The following ROBO2 variants were observed in gnomAD, a reference collection of about 807,000 sequenced individuals.
ROBO2 encodes roundabout guidance receptor 2, also known as roundabout homolog 2.
ROBO2 carries 53 observed loss-of-function variants against 160.8 expected under a neutral mutation model. The ratio of observed to expected loss-of-function variants is 0.33; its 90% confidence interval spans 0.26 to 0.41. The LOEUF (loss-of-function observed/expected upper bound fraction) is 0.41. Ranked by LOEUF, ROBO2 falls within the 10% of genes least tolerant of loss-of-function variation. The pLI is 1.00. For synonymous variants in ROBO2, 664 were observed against 611.7 expected, an observed-to-expected ratio of 1.09 and a Z score of -1.26; for missense variants, 1,577 against 1,722.4, an observed-to-expected ratio of 0.92 and a Z score of 1.49.
intron 2 of ROBO2, among the ~76,000 whole-genome samples, chr3:76,644,906 C>T (rs1370978802): frequency 6.6e-6 from 1 of 152,188 alleles, no homozygotes; most frequent in African/African-American, 2.4e-5. Flanking sequence ...ATCATTATGA[C>T]AACCCTATGA....
At chr3:77,324,887 A>C (rs1046253055) in intron 2 of ROBO2, among the ~76,000 whole-genome samples, 1 of 152,160 alleles carries the variant, frequency 6.6e-6, no homozygotes, top group Non-Finnish European at 1.5e-5. Context: ...AAACAGAAAT[A>C]GAAAAACTCT....
At chr3:76,760,262 A>C (rs1235884592) in intron 2 of ROBO2, among the ~76,000 whole-genome samples, 2 of 151,790 alleles carry the variant, frequency 1.3e-5, no homozygotes, top group Non-Finnish European at 2.9e-5. Flanking sequence ...AGAATACTTA[A>C]AATAGACTCT....
chr3:76,739,504 T>G (rs2093768055), intron 2 of ROBO2, among the ~76,000 whole-genome samples: 1 of 141,424 alleles, frequency 7.1e-6, no homozygotes, highest in African/African-American at 2.5e-5. Flanking sequence ...GGGGGAGGGA[T>G]AGCATTAGGA....
intron 2 of ROBO2, among the ~76,000 whole-genome samples, chr3:76,496,299 A>T (rs1478906943): frequency 6.6e-6 from 1 of 152,224 alleles, no homozygotes; most frequent in Non-Finnish European, 1.5e-5. Flanking sequence ...GAATAGATGG[A>T]TTAAGAAAAG....
chr3:76,365,799 A>T (rs911631964), intron 2 of ROBO2, among the ~76,000 whole-genome samples: 2 of 151,596 alleles, frequency 1.3e-5, no homozygotes, highest in Non-Finnish European at 2.9e-5. Context: ...AGAAATTGGA[A>T]TTTACTTTTC....
At chr3:77,069,082 G>T (rs1321066297) in intron 1 of ROBO2, among the ~76,000 whole-genome samples, 1 of 152,110 alleles carries the variant, frequency 6.6e-6, no homozygotes, top group African/African-American at 2.4e-5. Context: ...TGTGGCAGAC[G>T]CTGTGTGGCT....
intron 2 of ROBO2, among the ~76,000 whole-genome samples, chr3:77,162,561 A>C (rs567426503): frequency 6.6e-6 from 1 of 152,154 alleles, no homozygotes; most frequent in African/African-American, 2.4e-5. Flanking sequence ...TGAGTTCTGG[A>C]AACTTACATA....
At chr3:77,040,838 G>A (rs376257599) in exon 1 of ROBO2, 2 of 1,613,960 alleles carry the variant, frequency 1.2e-6, no homozygotes, top group Non-Finnish European at 1.7e-6. Context: ...TTATATGTTC[G>A]GGTTGATGGT....
intron 2 of ROBO2, among the ~76,000 whole-genome samples, chr3:76,219,169 G>A (rs998646731): frequency 2.0e-5 from 3 of 152,124 alleles, no homozygotes; most frequent in East Asian, 1.9e-4. Context: ...AATTCAAGAT[G>A]GATTAAAGAC....
rs57835432 is a variant in ROBO2 at position 76,493,337 on chromosome 3, TTATATATATATATA to T, written c.109+555750_109+555763del. Among the ~76,000 whole-genome samples, 5 of 104,816 alleles carry T rather than the reference TTATATATATATATA, an allele frequency of 4.8e-5. No individual in the cohort carries two copies. The South Asian group carries it at 1.2e-3, about 26-fold the overall frequency. The allele number at this position is 104,816 out of a possible 152,430, so 68.8% of individuals were successfully genotyped here. A position where few individuals can be genotyped will look rare whatever the true frequency, so the allele number is the denominator to read the frequency against. ...GAACCCAAAACATGTAGACAAAAAA[TTATATATATATATA>T]TATATATATATATAATTGTATATAC... On this transcript the variant is annotated intron_variant, in intron 2 of 26. Coordinates refer to the ROBO2 transcript ENST00000487694.
intron 6 of ROBO2, among the ~76,000 whole-genome samples, chr3:77,544,224 C>T (rs1396450426): frequency 6.6e-6 from 1 of 151,664 alleles, no homozygotes; most frequent in Non-Finnish European, 1.5e-5. Flanking sequence ...TTGATTTACA[C>T]CATCATTTCT....
chr3:77,629,424 C>T (rs947953709), intron 23 of ROBO2: 1 of 151,832 alleles, frequency 6.6e-6, no homozygotes, highest in Middle Eastern at 3.2e-3. Context: ...AGACAGGAAA[C>T]GAAAGAAACT....
At chr3:77,468,554 A>G (rs750191537) in intron 2 of ROBO2, among the ~76,000 whole-genome samples, 4 of 152,192 alleles carry the variant, frequency 2.6e-5, no homozygotes, top group Non-Finnish European at 4.4e-5. Flanking sequence ...CAGGACTTCA[A>G]ATTATATTGT....
intron 2 of ROBO2, among the ~76,000 whole-genome samples, chr3:76,067,343 T>C (rs2068287575): frequency 6.6e-6 from 1 of 152,180 alleles, no homozygotes; most frequent in South Asian, 2.1e-4. Context: ...ACAGCTATTG[T>C]GTATACTAGT....
intron 20 of ROBO2, among the ~76,000 whole-genome samples, chr3:77,606,910 C>A (rs1165145493): frequency 6.6e-6 from 1 of 152,134 alleles, no homozygotes; most frequent in Non-Finnish European, 1.5e-5. Flanking sequence ...TATTCTGCTC[C>A]AAGAAGTACT....
chr3:77,012,627 G>A (rs767343554), intron 2 of ROBO2, among the ~76,000 whole-genome samples: 2 of 152,164 alleles, frequency 1.3e-5, no homozygotes, highest in African/African-American at 2.4e-5. Flanking sequence ...CACTGGGTAA[G>A]AAGCTTTTAT....
At chr3:76,695,143 T>A (rs1431086714) in intron 2 of ROBO2, among the ~76,000 whole-genome samples, 1 of 152,110 alleles carries the variant, frequency 6.6e-6, no homozygotes, top group Non-Finnish European at 1.5e-5. Flanking sequence ...CTTATTTTTT[T>A]AAATATGAGC....
At chr3:76,018,301 T>G (rs2066463429) in intron 2 of ROBO2, among the ~76,000 whole-genome samples, 1 of 151,936 alleles carries the variant, frequency 6.6e-6, no homozygotes, top group African/African-American at 2.4e-5. Context: ...TAACAATCAT[T>G]GTTGATATGT....
chr3:76,013,093 G>A (rs2066254319), intron 2 of ROBO2, among the ~76,000 whole-genome samples: 2 of 145,712 alleles, frequency 1.4e-5, no homozygotes, highest in Admixed American at 1.4e-4. Flanking sequence ...GGCAATTGGA[G>A]GCTGGGCACG....
Sources: allele counts gnomAD v4.1 joint callset (sites outside exome capture counted in the v4.1 genomes callset), GRCh38; gene constraint gnomAD v4.1.1; transcripts MANE v1.5; gene names NCBI Gene and HGNC (gene_info 2026-07-23, HGNC 2026-07-21).